Variants in MAP3K15 observed in about 807,000 individuals in gnomAD.
MAP3K15 encodes the protein mitogen-activated protein kinase kinase kinase 15.
In MAP3K15, 124 loss-of-function variants were observed where a neutral mutation model predicts 99.5. The ratio of observed to expected loss-of-function variants is 1.25; its 90% CI spans 1.08 to 1.45. The LOEUF (loss-of-function observed/expected upper bound fraction) is 1.45, where lower values mean the gene tolerates loss of function less well. Ranked by LOEUF, MAP3K15 falls within the 40% of genes most tolerant of loss-of-function variation. The probability of loss-of-function intolerance (pLI) is 0.00; values close to 1 mark genes in which losing one functional copy is unlikely to be tolerated. For synonymous variants in MAP3K15, 494 were observed against 439.6 expected, an observed-to-expected ratio of 1.12 and a Z score of -1.55; for missense variants, 1,242 against 1,079.7, an observed-to-expected ratio of 1.15 and a Z score of -2.11.
chrX:19,397,692 A>G (rs2063576386), intron 15 of MAP3K15, among the ~76,000 whole-genome samples: 1 of 112,193 alleles, frequency 8.9e-6, no homozygotes, highest in Admixed American at 9.5e-5. Context: ...AAACACAACA[A>G]AAGTTTTCTT....
intron 6 of MAP3K15, among the ~76,000 whole-genome samples, chrX:19,445,150 T>C (rs771903891): frequency 4.0e-4 from 45 of 111,439 alleles, no homozygotes; most frequent in African/African-American, 1.5e-3. Context: ...TTCTTTTCCC[T>C]ATCTCATTTC....
chrX:19,456,750 T>C (rs1294881491), intron 6 of MAP3K15, among the ~76,000 whole-genome samples, 163 bp downstream of exon 6: 1 of 112,053 alleles, frequency 8.9e-6, no homozygotes, highest in Non-Finnish European at 1.9e-5. Context: ...AGAATGTGTA[T>C]GCCAAATACA....
intron 6 of MAP3K15, among the ~76,000 whole-genome samples, chrX:19,438,017 C>T (rs192234706): frequency 2.4e-4 from 27 of 112,277 alleles, no homozygotes; most frequent in African/African-American, 1.6e-4. Flanking sequence ...GGAATATGGA[C>T]GGGACAAGAG....
At chrX:19,433,851 G>T (rs1325031287) in intron 6 of MAP3K15, among the ~76,000 whole-genome samples, 1 of 111,712 alleles carries the variant, frequency 9.0e-6, no homozygotes, top group Non-Finnish European at 1.9e-5. Context: ...TTATGGCACT[G>T]CTTGTAATAG....
intron 13 of MAP3K15, among the ~76,000 whole-genome samples, chrX:19,405,721 T>C (rs1002688220): frequency 8.9e-6 from 1 of 112,171 alleles, no homozygotes; most frequent in East Asian, 2.8e-4. Flanking sequence ...TACACTCAAG[T>C]ATTTACAGGT....
At position 19,386,000 on chromosome X, in the gene MAP3K15, C is replaced by T. The variant is rs748985983; in HGVS notation, c.2432-5723G>A. The stretch of plus-strand genomic sequence containing the variant: ...GCTAACAGAGAGAGATAAATGCACA[C>T]AACTATTTCAGATACTCAAGGGAAC... On this transcript the variant is annotated intron_variant, in intron 18 of 28. Coordinates refer to ENST00000338883, the MANE Select transcript of MAP3K15 (RefSeq NM_001001671.4). Among the ~76,000 whole-genome samples the T allele has an allele frequency of 2.7e-5, 3 of 111,992 alleles. No individual in the cohort carries two copies. The Admixed American group carries it at 2.9e-4, about 11-fold the overall frequency.
Position 19,395,233 on chromosome X carries a change from T to G in MAP3K15, c.2067-25A>C, listed in dbSNP as rs753133924. The G allele has an allele frequency of 9.2e-6, 11 of 1,195,376 alleles. No homozygotes were observed. In the East Asian group the frequency reaches 2.1e-4, roughly 23 times the overall value. ...CCTATTGGGAAAAACAGAGCCAGGG[T>G]CACCTGCCAAATCCCAGGGACTCTA... On this transcript the variant is annotated intron_variant, in intron 15 of 28. Coordinates refer to ENST00000338883, the MANE Select transcript of MAP3K15 (RefSeq NM_001001671.4).
At chrX:19,499,031 T>C (rs1473296149) in intron 1 of MAP3K15, among the ~76,000 whole-genome samples, 4 of 111,900 alleles carry the variant, frequency 3.6e-5, no homozygotes, top group Non-Finnish European at 7.5e-5. Flanking sequence ...TCACAAAATA[T>C]ATGACAAAGC....
At chrX:19,466,934 T>A (rs753590115) in intron 3 of MAP3K15, among the ~76,000 whole-genome samples, 1 of 111,672 alleles carries the variant, frequency 9.0e-6, no homozygotes, top group South Asian at 3.8e-4. Context: ...TGGCCCAGGA[T>A]GGCTTTGAAT....
rs2063287796 is a variant in MAP3K15, at chrX:19,361,529, C to T, written c.3744G>A (p.Leu1248=). Residue 1248 remains leucine, a synonymous_variant, in exon 27 of 29, where the codon TTG becomes TTA. Coordinates refer to ENST00000338883, the MANE Select transcript of MAP3K15 (RefSeq NM_001001671.4). The part of the protein sequence containing the change: ...QRTDKELIDW[L]RLQGADAKTI... ...TCTTTGCATCAGCTCCTTGCAGCCGCAACCAGTCTATAAGCTCTTTATCTG... is the reference window on the plus strand; with the variant it reads ...TCTTTGCATCAGCTCCTTGCAGCCGTAACCAGTCTATAAGCTCTTTATCTG... 8.3e-7 allele frequency: 1 copy of T among 1,211,819 alleles called. No individual in the cohort carries two copies. The highest frequency in any genetic ancestry group is 3.0e-5 in the East Asian group (1 of 33,861).
intron 3 of MAP3K15, among the ~76,000 whole-genome samples, chrX:19,471,948 C>T (rs1055546633): frequency 1.1e-4 from 12 of 111,721 alleles, no homozygotes; most frequent in African/African-American, 2.3e-4. Context: ...AGGGGCCGGG[C>T]GCGGTGGCTC....
At chrX:19,466,240 G>T (rs2064168264) in intron 3 of MAP3K15, among the ~76,000 whole-genome samples, 1 of 111,858 alleles carries the variant, frequency 8.9e-6, no homozygotes, top group Non-Finnish European at 1.9e-5. Flanking sequence ...TAAATTAAAT[G>T]CCATTTACAT....
In MAP3K15 at chrX:19,380,251, T is replaced by A. The variant is rs767103195; in HGVS notation, c.2458A>T (p.Ile820Leu). 5.1e-5 allele frequency: 61 copies of A among 1,206,850 alleles called. No individual in the cohort carries two copies. Among genetic ancestry groups the A allele is most frequent in the Non-Finnish European group, 6.7e-5 (60 of 894,268 alleles). ...TATCCGCGAGGCCCTTGGTCAATTA[T>A]CTCAGGTGCCATGTACTGCAGGGTG... is the stretch of plus-strand genomic sequence containing the variant. ...TGTLQYMAPE[I>L]IDQGPRGYGA... Residue 820 changes from isoleucine (I) to leucine (L), a missense_variant, in exon 19 of 29, where the codon ATA becomes TTA. Ile to Leu is a conservative substitution (Grantham distance 5, BLOSUM62 2). Coordinates refer to ENST00000338883, the MANE Select transcript of MAP3K15 (RefSeq NM_001001671.4).
intron 5 of MAP3K15, among the ~76,000 whole-genome samples, chrX:19,459,172 G>A (rs113965915): frequency 0.013 from 1,486 of 111,742 alleles, 10 homozygotes; most frequent in Middle Eastern, 0.032. Flanking sequence ...AGAGGGGTTA[G>A]GAACAAGGAC....
chrX:19,473,512 C>T (rs2064221070), intron 3 of MAP3K15, among the ~76,000 whole-genome samples: 1 of 112,396 alleles, frequency 8.9e-6, no homozygotes. Flanking sequence ...CTCATTAAAA[C>T]AAATTTAACA....
At chrX:19,447,136 TCA>T (rs1313955381) in intron 6 of MAP3K15, among the ~76,000 whole-genome samples, 3 of 111,168 alleles carry the variant, frequency 2.7e-5, no homozygotes, top group African/African-American at 9.8e-5. Context: ...CAGGCTGGTC[TCA>T]GACTCCTGAC....
intron 6 of MAP3K15, among the ~76,000 whole-genome samples, chrX:19,440,435 T>C (rs1346947895): frequency 8.9e-6 from 1 of 112,854 alleles, no homozygotes; most frequent in East Asian, 2.8e-4. Context: ...AGAAGCGACC[T>C]GTGTCTTAGT....
rs573528424 is a variant in MAP3K15, at chrX:19,399,361, G to A, written c.1933-1002C>T. 1.1e-4 allele frequency among the ~76,000 whole-genome samples: 12 copies of A among 111,485 alleles called. No homozygotes were observed. In the East Asian group the frequency reaches 3.1e-3, roughly 29 times the overall value. The stretch of plus-strand genomic sequence containing the variant: ...GTAGACCACCTGAGGTCAGGAATTC[G>A]AGACCAGCCTGGCCAACATGGTGAA... On this transcript the variant is annotated intron_variant, in intron 14 of 28. Transcript: ENST00000338883.
intron 17 of MAP3K15, 35 bp from the exon 18 acceptor site, chrX:19,392,142 C>T: frequency 4.0e-5 from 45 of 1,112,031 alleles, no homozygotes; most frequent in Non-Finnish European, 5.6e-5. Context: ...GCTTAAAAGA[C>T]AGGCTGAAAC....
Sources: allele counts gnomAD v4.1 joint callset (sites outside exome capture counted in the v4.1 genomes callset), GRCh38; gene constraint gnomAD v4.1.1; transcripts MANE v1.5; gene names NCBI Gene and HGNC (gene_info 2026-07-23, HGNC 2026-07-21).